The following GALNT1 variants were observed in gnomAD, a reference collection of about 807,000 sequenced individuals.
The protein encoded by GALNT1 is GalNAc transferase 1.
GALNT1 carries 17 observed loss-of-function variants against 65.7 expected under a neutral mutation model. The observed-to-expected ratio is 0.26, with a 90% CI of 0.18 to 0.39. The LOEUF is 0.39. GALNT1 is among the 10% of genes least tolerant of loss of function. The probability of loss-of-function intolerance (pLI) is 1.00; values close to 1 mark genes in which losing one functional copy is unlikely to be tolerated. For missense variants in GALNT1, 460 were observed against 672.8 expected (o/e 0.68, Z 3.50); for synonymous variants, 210 against 219.7 (o/e 0.96, Z 0.39).
At chr18:35,607,673 A>G (rs1316928846) in intron 1 of GALNT1, among the ~76,000 whole-genome samples, 1 of 152,130 alleles carries the variant, frequency 6.6e-6, no homozygotes, top group Non-Finnish European at 1.5e-5. Flanking sequence ...GCTGGTCTTC[A>G]TCCTCATGGT....
chr18:35,682,158 A>G (rs754562349), intron 4 of GALNT1, among the ~76,000 whole-genome samples: 60 of 152,228 alleles, frequency 3.9e-4, no homozygotes, highest in Non-Finnish European at 7.4e-4. Context: ...CTTTCAGATA[A>G]CTTTTTAGCT....
At chr18:35,599,208 A>C (rs1272052563) in intron 1 of GALNT1, among the ~76,000 whole-genome samples, 1 of 151,846 alleles carries the variant, frequency 6.6e-6, no homozygotes, top group African/African-American at 2.4e-5. Flanking sequence ...GCTCTGCAGA[A>C]GCTTTTTAGC....
At chr18:35,629,537 G>T (rs2046973754) in intron 1 of GALNT1, among the ~76,000 whole-genome samples, 1 of 152,088 alleles carries the variant, frequency 6.6e-6, no homozygotes, top group Non-Finnish European at 1.5e-5. Flanking sequence ...GTCACCACCA[G>T]GCCTGCCCTA....
chr18:35,681,696 A>G (rs893858479), intron 4 of GALNT1, among the ~76,000 whole-genome samples: 2 of 152,126 alleles, frequency 1.3e-5, no homozygotes, highest in African/African-American at 4.8e-5. Flanking sequence ...ATGAAATTCT[A>G]TCAAATTCTG....
intron 7 of GALNT1, among the ~76,000 whole-genome samples, chr18:35,689,637 A>T (rs2047924571): frequency 8.1e-6 from 1 of 123,544 alleles, no homozygotes; most frequent in Non-Finnish European, 1.8e-5. Flanking sequence ...TTTCACATTT[A>T]AACATAAATT....
Position 35,677,555 on chromosome 18 carries a change from A to C in GALNT1, c.315-36A>C, listed in dbSNP as rs541874796. 4.5e-6 allele frequency: 7 copies of C among 1,561,002 alleles called. No homozygotes were observed. In the South Asian group the frequency reaches 8.2e-5, roughly 18 times the overall value. On this transcript the variant is annotated intron_variant, in intron 3 of 11. Coordinates refer to ENST00000269195, the MANE Select transcript of GALNT1 (RefSeq NM_020474.4). Reference sequence around the variant, plus strand: ...GATTCCTTTATTATGCAATCTTAACAGTCACTTTTTATAAAGGCATTTGCT... The same window carrying C: ...GATTCCTTTATTATGCAATCTTAACCGTCACTTTTTATAAAGGCATTTGCT...
At chr18:35,657,635 A>G (rs2047411552) in intron 2 of GALNT1, among the ~76,000 whole-genome samples, 1 of 152,268 alleles carries the variant, frequency 6.6e-6, no homozygotes, top group Non-Finnish European at 1.5e-5. Context: ...AGGTCATAGA[A>G]GCCCAGCCAA....
In GALNT1 at chr18:35,709,826, A is replaced by C; in HGVS notation, c.*56A>C. 6.3e-7 allele frequency: 1 copy of C among 1,593,422 alleles called. No homozygotes were observed. Among genetic ancestry groups the C allele is most frequent in the South Asian group, 1.1e-5 (1 of 89,588 alleles). On this transcript the variant is annotated 3_prime_UTR_variant, in exon 12 of 12. Coordinates refer to ENST00000269195, the MANE Select transcript of GALNT1 (RefSeq NM_020474.4). ...AGGATTGACTGGGCTACCTCAGCAT[A>C]CATTTCTGCCACATTCTTAAGTAGC...
intron 1 of GALNT1, among the ~76,000 whole-genome samples, chr18:35,644,247 T>A (rs1473740501): frequency 6.6e-6 from 1 of 152,228 alleles, no homozygotes; most frequent in Non-Finnish European, 1.5e-5. Context: ...ATTTGCTAAT[T>A]TTTTGTTAAA....
chr18:35,643,828 A>G (rs528075254), intron 1 of GALNT1, among the ~76,000 whole-genome samples: 2 of 151,756 alleles, frequency 1.3e-5, no homozygotes, highest in East Asian at 3.9e-4. Context: ...ACACATATCT[A>G]CTATTCTGAA....
chr18:35,699,918 C>G (rs1321476002), intron 9 of GALNT1, among the ~76,000 whole-genome samples: 1 of 152,156 alleles, frequency 6.6e-6, no homozygotes, highest in African/African-American at 2.4e-5. Context: ...AGTCTTAAAG[C>G]TATATGGAAT....
chr18:35,630,505 C>A (rs186300625), intron 1 of GALNT1, among the ~76,000 whole-genome samples: 45 of 152,168 alleles, frequency 3.0e-4, no homozygotes, highest in African/African-American at 1.0e-3. Flanking sequence ...TTGAAACCAG[C>A]AAGAACAAAG....
chr18:35,668,815 A>G (rs191498259), intron 3 of GALNT1, among the ~76,000 whole-genome samples: 11 of 152,348 alleles, frequency 7.2e-5, no homozygotes, highest in Non-Finnish European at 5.9e-5. Context: ...TTATAAGTGA[A>G]TATTATAAAA....
intron 1 of GALNT1, among the ~76,000 whole-genome samples, chr18:35,604,289 T>C (rs2046619527): frequency 6.6e-6 from 1 of 152,238 alleles, no homozygotes; most frequent in Non-Finnish European, 1.5e-5. Context: ...ATGGTGTATA[T>C]GTACCACATT....
chr18:35,677,227 A>G (rs1471320192), intron 3 of GALNT1, among the ~76,000 whole-genome samples: 4 of 152,206 alleles, frequency 2.6e-5, no homozygotes, highest in Non-Finnish European at 5.9e-5. Flanking sequence ...TAAACTACGT[A>G]AACTCCAGTG....
intron 1 of GALNT1, among the ~76,000 whole-genome samples, chr18:35,642,214 A>G (rs1041925070): frequency 2.6e-5 from 4 of 152,242 alleles, no homozygotes; most frequent in Non-Finnish European, 5.9e-5. Flanking sequence ...ACGGAAACCT[A>G]GAAAGAACCC....
chr18:35,667,251 T>C (rs1286997788), intron 3 of GALNT1, among the ~76,000 whole-genome samples: 4 of 152,198 alleles, frequency 2.6e-5, no homozygotes, highest in Non-Finnish European at 5.9e-5. Flanking sequence ...GCTTTCATGT[T>C]GGTCTTTTAC....
chr18:35,670,836 G>T (rs998152026), intron 3 of GALNT1, among the ~76,000 whole-genome samples: 1 of 152,184 alleles, frequency 6.6e-6, no homozygotes, highest in Non-Finnish European at 1.5e-5. Context: ...TTAGGACAAC[G>T]GTGGCACTAT....
chr18:35,680,193 A>G (rs980978003), intron 4 of GALNT1, among the ~76,000 whole-genome samples: 2 of 152,106 alleles, frequency 1.3e-5, no homozygotes, highest in Non-Finnish European at 2.9e-5. Flanking sequence ...CTTCAATTGT[A>G]CTGATTTTGT....
Sources: allele counts gnomAD v4.1 joint callset (sites outside exome capture counted in the v4.1 genomes callset), GRCh38; gene constraint gnomAD v4.1.1; transcripts MANE v1.5; gene names NCBI Gene and HGNC (gene_info 2026-07-23, HGNC 2026-07-21).